USP30: variants seen among roughly 807,000 people sequenced by gnomAD.
USP30 encodes the protein ubiquitin specific peptidase 30.
In USP30, 41 loss-of-function variants were observed where a neutral mutation model predicts 68.2. The ratio of observed to expected loss-of-function variants is 0.60; its 90% CI spans 0.47 to 0.78. The LOEUF is 0.78. USP30 is among the 30% of genes least tolerant of loss of function. The probability of loss-of-function intolerance (pLI) is 0.00; values close to 1 mark genes in which losing one functional copy is unlikely to be tolerated. For missense variants in USP30, 522 were observed against 649.4 expected (o/e 0.80, Z 2.13); for synonymous variants, 229 against 253.7 (o/e 0.90, Z 0.93).
rs1189601692 is a variant in USP30, at chr12:109,071,660, C to T, written c.529C>T (p.Arg177Ter). ...CATTACCTCGTCATTGGAAGATGAG[C>T]GAGACCGCCAGCCTCGGGTCACACA... ...HVITSSLEDERDRQPRVTHLF... is the reference protein window; with the variant it reads ...HVITSSLEDE The change falls in exon 5 of 13, where the codon CGA becomes TGA. Residue 177 changes from arginine to a stop codon, truncating the protein, a stop_gained. Transcript: ENST00000257548. LOFTEE classifies it high-confidence loss of function. 3.7e-6 allele frequency: 6 copies of T among 1,614,146 alleles called. No homozygotes were observed. Among genetic ancestry groups the T allele is most frequent in the South Asian group, 1.1e-5 (1 of 91,084 alleles).
At chr12:109,054,711 A>G (rs2040787771) in intron 1 of USP30, 1 of 152,206 alleles carries the variant, frequency 6.6e-6, no homozygotes. Context: ...GATTGTCCCC[A>G]TTGTACAGAT....
At chr12:109,049,424 G>A (rs1395538193), upstream of USP30, among the ~76,000 whole-genome samples, 2 of 152,128 alleles carry the variant, frequency 1.3e-5, no homozygotes, top group East Asian at 1.9e-4. Context: ...TAAGTTGGCT[G>A]GTTTACCTGA....
chr12:109,076,732 C>CTTTTTTTTTTTTTTTTTTTTTTT (rs71079520), intron 7 of USP30, among the ~76,000 whole-genome samples: 1 of 124,738 alleles, frequency 8.0e-6, no homozygotes, highest in Non-Finnish European at 1.6e-5. Flanking sequence ...TTGATTTTTT[C>CTTTTTTTTTTTTTTTTTTTTTTT]TTTTTTTTTT....
At chr12:109,039,300 C>G (rs563627393) in intron 3 of USP30, among the ~76,000 whole-genome samples, 2 of 151,946 alleles carry the variant, frequency 1.3e-5, no homozygotes, top group Non-Finnish European at 1.5e-5. Context: ...CAATAGTGTA[C>G]CTTCTATATT....
chr12:109,058,871 A>G (rs1036849813), intron 3 of USP30, among the ~76,000 whole-genome samples: 4 of 152,256 alleles, frequency 2.6e-5, no homozygotes, highest in African/African-American at 9.6e-5. Flanking sequence ...TTAAAAAACA[A>G]ATTTGCAGCC....
Position 109,081,986 on chromosome 12 carries a change from A to T in USP30, c.834A>T (p.Ser278=), listed in dbSNP as rs1281946683. 1 of 1,614,246 alleles carries T rather than the reference A, an allele frequency of 6.2e-7. No homozygotes were observed. Among genetic ancestry groups the T allele is most frequent in the Non-Finnish European group, 8.5e-7 (1 of 1,180,042 alleles). The change falls in exon 9 of 13, where the codon TCA becomes TCT. Residue 278 remains serine, a synonymous_variant. Transcript: ENST00000257548. ...HCLHHFISSE[S]VRDVVCDNCT... is the part of the protein sequence containing the mutation. The stretch of plus-strand genomic sequence containing the variant: ...TTCACCACTTCATCTCATCAGAATC[A>T]GTGCGGGATGTTGTGTGTGACAACT...
At chr12:109,068,073 A>G (rs1189764104) in intron 4 of USP30, among the ~76,000 whole-genome samples, 1 of 152,186 alleles carries the variant, frequency 6.6e-6, no homozygotes, top group African/African-American at 2.4e-5. Flanking sequence ...TGTCATATGC[A>G]ATTTCAAGGC....
chr12:109,052,910 G>C, intron 1 of USP30, 149 bp downstream of exon 1: 1 of 762,074 alleles, frequency 1.3e-6, no homozygotes, highest in Admixed American at 4.2e-5. Context: ...TTGGAGGCCT[G>C]GGCCCGTAGG....
Position 109,082,647 on chromosome 12 carries a change from G to C in USP30, c.868-16G>C. 1 of 1,613,434 alleles carries C rather than the reference G, an allele frequency of 6.2e-7. No homozygotes were observed. The highest frequency in any genetic ancestry group is 8.5e-7 in the Non-Finnish European group (1 of 1,179,610). Reference sequence around the variant, plus strand: ...ATTTTAGGCATTGCTGCAGAGAAATGTTCCTTTTATTTCAGATTGAAGCCA... The same window carrying C: ...ATTTTAGGCATTGCTGCAGAGAAATCTTCCTTTTATTTCAGATTGAAGCCA... On this transcript the variant is annotated splice_polypyrimidine_tract_variant and intron_variant, in intron 9 of 12. Coordinates refer to ENST00000257548, the MANE Select transcript of USP30 (RefSeq NM_032663.5).
chr12:109,082,270 C>G (rs1304282731), intron 9 of USP30, among the ~76,000 whole-genome samples: 1 of 152,230 alleles, frequency 6.6e-6, no homozygotes, highest in Non-Finnish European at 1.5e-5. Context: ...CTCCAGTTTG[C>G]TGCAGTTGCC....
chr12:109,086,087 T>G lies in USP30; in HGVS notation c.*156T>G. The G allele has an allele frequency of 8.9e-7, 1 of 1,125,772 alleles. No individual in the cohort carries two copies. Among genetic ancestry groups the G allele is most frequent in the Admixed American group, 2.8e-5 (1 of 35,438 alleles). 69.7% of individuals were successfully genotyped at this position (1,125,772 alleles called of 1,614,324 possible). A position where few individuals can be genotyped will look rare whatever the true frequency, so the allele number is the denominator to read the frequency against. On this transcript the variant is annotated 3_prime_UTR_variant, in exon 13 of 13. Transcript: ENST00000257548. Reference sequence around the variant, plus strand: ...GCTCCACCTGGGAGCCAGCCCCAGTTCACACCAAACCAGGCTCCCTGAACA... The same window carrying G: ...GCTCCACCTGGGAGCCAGCCCCAGTGCACACCAAACCAGGCTCCCTGAACA...
At chr12:109,085,486 T>C (rs1286579014) in intron 12 of USP30, among the ~76,000 whole-genome samples, 181 bp from the exon 13 acceptor site, 2 of 152,228 alleles carry the variant, frequency 1.3e-5, no homozygotes, top group African/African-American at 2.4e-5. Flanking sequence ...CATATACTCA[T>C]AGAATGTACA....
chr12:109,048,114 T>C (rs2040622372), upstream of USP30, among the ~76,000 whole-genome samples: 1 of 150,704 alleles, frequency 6.6e-6, no homozygotes, highest in Non-Finnish European at 1.5e-5. Context: ...GGTCTTGCTC[T>C]GTTGGCCAGG....
chr12:109,039,589 C>G (rs941652512), intron 3 of USP30, among the ~76,000 whole-genome samples: 3 of 151,956 alleles, frequency 2.0e-5, no homozygotes, highest in African/African-American at 7.3e-5. Context: ...GGTGCTGTAA[C>G]TATTCTTATT....
chr12:109,054,529 C>CA (rs112406436), intron 1 of USP30, among the ~76,000 whole-genome samples: 120,136 of 149,580 alleles, frequency 0.8, 48,396 homozygotes, highest in East Asian at 0.99. Context: ...GACACTGTCT[C>CA]AAAAAAAAAT....
intron 3 of USP30, among the ~76,000 whole-genome samples, chr12:109,030,026 G>A (rs192289156): frequency 5.2e-4 from 79 of 152,156 alleles, no homozygotes; most frequent in African/African-American, 1.7e-3. Context: ...ATTGAAATAC[G>A]TGTTGAACTA....
chr12:109,066,692 A>G (rs946906990), intron 3 of USP30, among the ~76,000 whole-genome samples: 1 of 152,192 alleles, frequency 6.6e-6, no homozygotes, highest in Non-Finnish European at 1.5e-5. Flanking sequence ...TTCAAAAAAA[A>G]AGAAAAGTAC....
At chr12:109,073,583 T>C in intron 7 of USP30, 51 bp downstream of exon 7, 1 of 1,535,000 alleles carries the variant, frequency 6.5e-7, no homozygotes, top group Non-Finnish European at 9.0e-7. Flanking sequence ...TTCCAAAAGT[T>C]AGGATTCTTG....
At chr12:109,055,377 T>TAC (rs2040815105) in intron 1 of USP30, among the ~76,000 whole-genome samples, 1 of 58,574 alleles carries the variant, frequency 1.7e-5, no homozygotes, top group Non-Finnish European at 3.4e-5. Flanking sequence ...CACATATATA[T>TAC]ACATATATAT....
Sources: allele counts gnomAD v4.1 joint callset (sites outside exome capture counted in the v4.1 genomes callset), GRCh38; gene constraint gnomAD v4.1.1; transcripts MANE v1.5; gene names NCBI Gene and HGNC (gene_info 2026-07-23, HGNC 2026-07-21).